The following ASXL2 variants were observed in gnomAD, a reference collection of about 807,000 sequenced individuals.
ASXL2 encodes ASXL transcriptional regulator 2.
Under a neutral mutation model 122.0 loss-of-function variants are expected in ASXL2, and 23 were observed. The observed-to-expected ratio is 0.19, with a 90% CI of 0.14 to 0.27. The LOEUF is 0.27. Among genes scored for constraint, ASXL2 ranks in the 10% least tolerant of loss-of-function variants. ASXL2 has a pLI of 1.00. For synonymous variants in ASXL2, 650 were observed against 637.0 expected, an observed-to-expected ratio of 1.02 and a Z score of -0.31; for missense variants, 1,518 against 1,713.8, an observed-to-expected ratio of 0.89 and a Z score of 2.02.
At chr2:25,868,513 T>A (rs2089928348) in intron 1 of ASXL2, among the ~76,000 whole-genome samples, 1 of 152,236 alleles carries the variant, frequency 6.6e-6, no homozygotes, top group Non-Finnish European at 1.5e-5. Flanking sequence ...TACATTCGCA[T>A]TTACCGTTAA....
intron 2 of ASXL2, among the ~76,000 whole-genome samples, chr2:25,838,442 T>C (rs1039819923): frequency 1.3e-5 from 2 of 152,222 alleles, no homozygotes; most frequent in Non-Finnish European, 2.9e-5. Flanking sequence ...GATCAGACCA[T>C]AAGAACTATA....
At chr2:25,876,215 C>A (rs1453295779) in intron 1 of ASXL2, among the ~76,000 whole-genome samples, 1 of 152,204 alleles carries the variant, frequency 6.6e-6, no homozygotes. Flanking sequence ...CTCTACTGAT[C>A]AAAGTAGTCT....
intron 2 of ASXL2, among the ~76,000 whole-genome samples, chr2:25,841,575 G>C (rs1256276111): frequency 6.6e-6 from 1 of 151,964 alleles, no homozygotes. Context: ...TGCCAGGCAC[G>C]GTAGCTCATG....
intron 4 of ASXL2, among the ~76,000 whole-genome samples, chr2:25,800,181 C>T (rs1285343760): frequency 6.6e-6 from 1 of 152,030 alleles, no homozygotes; most frequent in African/African-American, 2.4e-5. Flanking sequence ...CCTGTGGTCC[C>T]AGCTACTTAG....
chr2:25,807,642 A>G (rs999958091), intron 3 of ASXL2, among the ~76,000 whole-genome samples: 10 of 152,192 alleles, frequency 6.6e-5, no homozygotes, highest in Admixed American at 6.5e-4. Context: ...GCTTAAAAAG[A>G]TATTAACATG....
At chr2:25,780,482 T>C (rs78603726) in intron 5 of ASXL2, among the ~76,000 whole-genome samples, 2,874 of 152,268 alleles carry the variant, frequency 0.019, 41 homozygotes, top group Middle Eastern at 0.034. Context: ...TTCTAAGATG[T>C]GGTACCCAGA....
At chr2:25,791,665 A>G (rs1032031718) in intron 5 of ASXL2, among the ~76,000 whole-genome samples, 6 of 148,820 alleles carry the variant, frequency 4.0e-5, no homozygotes, top group African/African-American at 1.6e-4. Context: ...TTGCCTTTAT[A>G]TATGTTTTCT....
chr2:25,869,061 A>C (rs895518692), intron 1 of ASXL2, among the ~76,000 whole-genome samples: 1 of 151,526 alleles, frequency 6.6e-6, no homozygotes, highest in Non-Finnish European at 1.5e-5. Flanking sequence ...GCTACTCGGG[A>C]GGCTGAGGCA....
intron 2 of ASXL2, among the ~76,000 whole-genome samples, chr2:25,843,627 C>A (rs1380697675): frequency 1.3e-5 from 2 of 151,222 alleles, no homozygotes; most frequent in African/African-American, 4.9e-5. Context: ...AAAGGGAGAG[C>A]AAATAAAAAA....
Position 25,743,225 on chromosome 2 carries a change from G to C in ASXL2, c.3112C>G (p.Leu1038Val). Reference sequence around the variant, plus strand: ...TCCCTCAGCTCCTTAGCTGAAAAGAGCTGAAGGGGCCTTGGAACCTGGGGG... The same window carrying C: ...TCCCTCAGCTCCTTAGCTGAAAAGACCTGAAGGGGCCTTGGAACCTGGGGG... Reference protein sequence around the residue: ...QLPQVPRPLQLFSAKELRDSS... With the variant: ...QLPQVPRPLQVFSAKELRDSS... Residue 1038 changes from leucine (L) to valine (V), a missense_variant, in exon 13 of 13, where the codon CTC becomes GTC. This residue lies in a region of ASXL2 where 831 missense variants were observed against 833.1 expected (regional missense o/e 1.00). Transcript: ENST00000435504. 6.2e-7 allele frequency: 1 copy of C among 1,613,812 alleles called. No individual in the cohort carries two copies. The highest frequency in any genetic ancestry group is 8.5e-7 in the Non-Finnish European group (1 of 1,179,790).
At position 25,838,775 on chromosome 2, in the gene ASXL2, T is replaced by TA. The variant is rs533807012; in HGVS notation, c.141-3236dup. ...ATGGCTAATGACAACCATTTTGCCA[T>TA]AACTGTTACTTTGATTCAAGGTAAA... is the stretch of plus-strand genomic sequence containing the variant. On this transcript the variant is annotated intron_variant, in intron 2 of 12. Coordinates refer to ENST00000435504, the MANE Select transcript of ASXL2 (RefSeq NM_018263.6). Among the ~76,000 whole-genome samples the TA allele has an allele frequency of 2.1e-4, 32 of 152,362 alleles. No individual in the cohort carries two copies. In the East Asian group the frequency reaches 6.0e-3, roughly 28 times the overall value.
chr2:25,778,754 C>A (rs1195826750), intron 5 of ASXL2, among the ~76,000 whole-genome samples: 3 of 152,176 alleles, frequency 2.0e-5, no homozygotes, highest in Non-Finnish European at 4.4e-5. Flanking sequence ...TATGTGACAG[C>A]TTTTTTACAA....
rs181648605 is a variant in ASXL2, at chr2:25,814,102, C to T, written c.144-7765G>A. Among the ~76,000 whole-genome samples the T allele has an allele frequency of 8.1e-4, 124 of 152,184 alleles. No homozygotes were observed. In the Middle Eastern group the frequency reaches 0.01, roughly 13 times the overall value. Reference sequence around the variant, plus strand: ...TAACTACAAACTGCCATAATATTTTCCTTGCAAATCTGGATATAATTTTCT... The same window carrying T: ...TAACTACAAACTGCCATAATATTTTTCTTGCAAATCTGGATATAATTTTCT... On this transcript the variant is annotated intron_variant, in intron 3 of 12. Transcript: ENST00000435504.
At chr2:25,844,089 C>A (rs895237310) in intron 2 of ASXL2, among the ~76,000 whole-genome samples, 1 of 152,054 alleles carries the variant, frequency 6.6e-6, no homozygotes, top group Non-Finnish European at 1.5e-5. Context: ...TCAAAAACAG[C>A]CCCCCAAAAT....
chr2:25,856,712 T>C, intron 1 of ASXL2: 1 of 1,297,024 alleles, frequency 7.7e-7, no homozygotes, highest in Non-Finnish European at 1.1e-6. Context: ...CCTGGATCGA[T>C]TCAGTCACCG....
At chr2:25,789,431 A>G (rs1343317721) in intron 5 of ASXL2, among the ~76,000 whole-genome samples, 1 of 152,052 alleles carries the variant, frequency 6.6e-6, no homozygotes, top group African/African-American at 2.4e-5. Context: ...TGCTATTGGA[A>G]GTTGTTAGAG....
chr2:25,756,430 T>G (rs2088134398), intron 9 of ASXL2, among the ~76,000 whole-genome samples: 1 of 88,276 alleles, frequency 1.1e-5, no homozygotes, highest in African/African-American at 4.7e-5. Flanking sequence ...AAAATAAAGC[T>G]GAATCCCAGA....
intron 6 of ASXL2, among the ~76,000 whole-genome samples, chr2:25,770,463 A>T (rs867254617): frequency 6.6e-6 from 1 of 152,154 alleles, no homozygotes; most frequent in East Asian, 1.9e-4. Flanking sequence ...GTGTAATATT[A>T]AAAAATCTAG....
chr2:25,778,669 A>G (rs1368724285), intron 5 of ASXL2, among the ~76,000 whole-genome samples: 1 of 152,170 alleles, frequency 6.6e-6, no homozygotes, highest in Non-Finnish European at 1.5e-5. Flanking sequence ...TATACTTAGC[A>G]CCCAAATCGT....
Sources: gnomAD v4.1 joint callset for allele counts (sites outside exome capture counted in the v4.1 genomes callset) on GRCh38, gnomAD v4.1.1 for gene constraint, gnomAD v4.1.1 regional missense constraint, MANE v1.5 for transcripts, NCBI Gene and HGNC (gene_info 2026-07-23, HGNC 2026-07-21) for gene names.